The following ZNF675 variants were observed in gnomAD, a reference collection of about 807,000 sequenced individuals.
The protein encoded by ZNF675 is zinc finger protein 675.
A neutral mutation model predicts 56.1 loss-of-function variants in ZNF675; 36 were observed. The ratio of observed to expected loss-of-function variants is 0.64; its 90% CI spans 0.49 to 0.85. The LOEUF (loss-of-function observed/expected upper bound fraction) is 0.85. Among genes scored for constraint, ZNF675 ranks in the 40% least tolerant of loss-of-function variants. The pLI is 0.00. For synonymous variants in ZNF675, 200 were observed against 218.9 expected, an observed-to-expected ratio of 0.91 and a Z score of 0.76; for missense variants, 663 against 654.2, an observed-to-expected ratio of 1.01 and a Z score of -0.15.
In ZNF675 at chr19:23,653,743, T is replaced by C; in HGVS notation, c.1190A>G (p.Lys397Arg). 2 of 1,613,604 alleles carry C rather than the reference T, an allele frequency of 1.2e-6. No individual in the cohort carries two copies. Among genetic ancestry groups the C allele is most frequent in the Non-Finnish European group, 1.7e-6 (2 of 1,179,904 alleles). The change falls in exon 4 of 4, where the codon AAA (lysine) becomes AGA (arginine). Residue 397 changes from lysine to arginine, a missense_variant. Around this residue, in one of 3 missense-constraint regions of ZNF675, gnomAD observed 617 missense variants for 590.5 expected, o/e 1.04. Transcript: ENST00000359788. Reference sequence around the variant, plus strand: ...AAAAGCTTTGCCACATTCTTTACATTTGTAGGGTTTCTCTTCGGTATGAAT... The same window carrying C: ...AAAAGCTTTGCCACATTCTTTACATCTGTAGGGTTTCTCTTCGGTATGAAT... ...RKIHTEEKPY[K>R]CKECGKAFKH...
rs760354632 is a variant in ZNF675, at chr19:23,654,006, C to G, written c.927G>C (p.Glu309Asp). Residue 309 changes from glutamate (E) to aspartate (D), a missense_variant, in exon 4 of 4, where the codon GAG becomes GAC. Glu to Asp is a conservative substitution (Grantham distance 45). Around this residue, in one of 3 missense-constraint regions of ZNF675, gnomAD observed 617 missense variants for 590.5 expected, o/e 1.04. Coordinates refer to ENST00000359788, the MANE Select transcript of ZNF675 (RefSeq NM_138330.3). ...CACATTCTTCACATATGTAGGGTTG[C>G]TCTCCAGTATGAATTTTTTTATGTG... is the stretch of plus-strand genomic sequence containing the variant. ...LTTHKKIHTG[E>D]QPYICEECGK... 1.2e-6 allele frequency: 2 copies of G among 1,613,708 alleles called. No homozygotes were observed. Among genetic ancestry groups the G allele is most frequent in the Admixed American group, 3.3e-5 (2 of 59,988 alleles).
intron 1 of ZNF675, among the ~76,000 whole-genome samples, chr19:23,668,567 G>A (rs751776279): frequency 1.3e-5 from 2 of 152,252 alleles, no homozygotes; most frequent in South Asian, 2.1e-4. Context: ...ACTGGGCGCC[G>A]TGGAGCAGGG....
At chr19:23,668,751 T>A (rs1409709426) in intron 1 of ZNF675, among the ~76,000 whole-genome samples, 1 of 152,144 alleles carries the variant, frequency 6.6e-6, no homozygotes, top group African/African-American at 2.4e-5. Context: ...CAGTACACCC[T>A]CCGCAGCCGC....
intron 1 of ZNF675, among the ~76,000 whole-genome samples, chr19:23,680,037 G>A (rs113526097): frequency 0.034 from 5,007 of 149,040 alleles, 169 homozygotes; most frequent in South Asian, 0.14. Flanking sequence ...GGCCAGACGC[G>A]GTGGCTCACG....
Position 23,676,792 on chromosome 19 carries a change from C to T in ZNF675, c.3+10239G>A, listed in dbSNP as rs375840516. On this transcript the variant is annotated intron_variant, in intron 1 of 3. Transcript: ENST00000359788. ...TTTTTTCTTGAAAACTGGCACAAGA[C>T]GGCCGGGCGCGGTGGCTCACGCCTG... Among the ~76,000 whole-genome samples the T allele has an allele frequency of 8.7e-4, 132 of 151,624 alleles. 3 individuals carry two copies. Among genetic ancestry groups the T allele is most frequent in the African/African-American group, 3.0e-3 (123 of 41,084 alleles).
chr19:23,663,672 G>A (rs1053049611), intron 1 of ZNF675, among the ~76,000 whole-genome samples: 1 of 152,166 alleles, frequency 6.6e-6, no homozygotes, highest in Non-Finnish European at 1.5e-5. Context: ...AGCTGAGATC[G>A]TACCATTGCA....
At chr19:23,669,628 C>CT (rs1313376844) in intron 1 of ZNF675, among the ~76,000 whole-genome samples, 1 of 152,104 alleles carries the variant, frequency 6.6e-6, no homozygotes, top group Non-Finnish European at 1.5e-5. Flanking sequence ...AATCCCAGCA[C>CT]TTTGAGATGC....
In ZNF675 at chr19:23,654,244, C is replaced by T. The variant is rs780857344; in HGVS notation, c.689G>A (p.Cys230Tyr). 5 of 1,613,802 alleles carry T rather than the reference C, an allele frequency of 3.1e-6. No individual in the cohort carries two copies. In the African/African-American group the frequency reaches 4.0e-5, roughly 13 times the overall value. The change falls in exon 4 of 4, where the codon TGT becomes TAT. Residue 230 changes from cysteine to tyrosine, a missense_variant. Physicochemically the swap from Cys to Tyr is radical, Grantham distance 194. Around this residue, in one of 3 missense-constraint regions of ZNF675, gnomAD observed 617 missense variants for 590.5 expected, o/e 1.04. Transcript: ENST00000359788. Reference sequence around the variant, plus strand: ...GTTAAAAGTTCTGTCACATTCTTGACATTTGTAGAGTTTCTCACAAGTATA... The same window carrying T: ...GTTAAAAGTTCTGTCACATTCTTGATATTTGTAGAGTTTCTCACAAGTATA... ...RIYTCEKLYK[C>Y]QECDRTFNQF...
intron 1 of ZNF675, among the ~76,000 whole-genome samples, chr19:23,665,129 G>A (rs1968132739): frequency 6.6e-6 from 1 of 151,854 alleles, no homozygotes; most frequent in South Asian, 2.1e-4. Context: ...GGGATCACTT[G>A]AGGTCAGGAG....
rs1402300812 is a variant in ZNF675, at chr19:23,656,399, C to T, written c.227-1693G>A. 7 of 152,214 alleles carry T rather than the reference C, an allele frequency of 4.6e-5. No homozygotes were observed. In the East Asian group the frequency reaches 1.4e-3, roughly 29 times the overall value. The allele number at this position is 152,214 out of a possible 1,614,324, so 9.4% of individuals were successfully genotyped here. ...ATTACCTGAGGTCAGGAGTTTGGGA[C>T]CAGCCTGGCCAACATGGTGAAACCC... On this transcript the variant is annotated intron_variant, in intron 3 of 3. Coordinates refer to ENST00000359788, the MANE Select transcript of ZNF675 (RefSeq NM_138330.3).
At chr19:23,675,774 T>A (rs1968286821) in intron 1 of ZNF675, among the ~76,000 whole-genome samples, 1 of 151,476 alleles carries the variant, frequency 6.6e-6, no homozygotes, top group Non-Finnish European at 1.5e-5. Context: ...TAACCTGACA[T>A]CCTAAATAAA....
Position 23,653,406 on chromosome 19 carries a change from T to A in ZNF675, c.1527A>T (p.Lys509Asn). Residue 509 changes from lysine to asparagine, a missense_variant, in exon 4 of 4, where the codon AAA (lysine) becomes AAT (asparagine). Lys to Asn is a moderately conservative substitution (Grantham distance 94). This residue lies in a region of ZNF675 where 617 missense variants were observed against 590.5 expected (regional missense o/e 1.04). Coordinates refer to ENST00000359788, the MANE Select transcript of ZNF675 (RefSeq NM_138330.3). ...KRIHTGEKPY[K>N]CEECGKAFSR... ...TAAAAGCTTTGCCACATTCTTCACA[T>A]TTGTAGGGTTTCTCCCCAGTATGAA... 6.2e-7 allele frequency: 1 copy of A among 1,613,090 alleles called. No homozygotes were observed. Among genetic ancestry groups the A allele is most frequent in the Non-Finnish European group, 8.5e-7 (1 of 1,179,716 alleles).
In ZNF675 at chr19:23,653,260, T is replaced by C; in HGVS notation, c.1673A>G (p.His558Arg). 2.5e-6 allele frequency: 4 copies of C among 1,609,844 alleles called. No homozygotes were observed. Among genetic ancestry groups the C allele is most frequent in the Non-Finnish European group, 3.4e-6 (4 of 1,178,246 alleles). ...SANLTKHKKI[H>R]TGEKLQNWNV ...CCAGTTCTGTAGTTTCTCTCCAGTATGTATTTTTTTATGTTTAGTAAGGTT... is the reference window on the plus strand; with the variant it reads ...CCAGTTCTGTAGTTTCTCTCCAGTACGTATTTTTTTATGTTTAGTAAGGTT... Residue 558 changes from histidine to arginine, a missense_variant, in exon 4 of 4, where the codon CAT becomes CGT. This residue lies in a region of ZNF675 where 617 missense variants were observed against 590.5 expected (regional missense o/e 1.04). Coordinates refer to ENST00000359788, the MANE Select transcript of ZNF675 (RefSeq NM_138330.3).
At chr19:23,658,964 G>GATATAGATCTATAGATATAGATCT (rs1282498511) in intron 3 of ZNF675, among the ~76,000 whole-genome samples, 1 of 8,772 alleles carries the variant, frequency 1.1e-4, no homozygotes, top group African/African-American at 1.3e-4. Context: ...GAGATCTATA[G>GATATAGATCTATAGATATAGATCT]ATAGATATAG....
chr19:23,656,528 C>A (rs1184815322), intron 3 of ZNF675: 4 of 151,554 alleles, frequency 2.6e-5, no homozygotes, highest in Non-Finnish European at 4.4e-5. Context: ...ACCCAGGATG[C>A]AGAGGTTGCA....
chr19:23,676,246 G>A (rs1250547134), intron 1 of ZNF675, among the ~76,000 whole-genome samples: 2 of 151,530 alleles, frequency 1.3e-5, no homozygotes, highest in South Asian at 2.1e-4. Flanking sequence ...AGGACCAGAC[G>A]GACTTACAGC....
chr19:23,656,309 T>TA (rs1967982508), intron 3 of ZNF675: 1 of 152,088 alleles, frequency 6.6e-6, no homozygotes, highest in South Asian at 2.1e-4. Flanking sequence ...ATAATCTCTA[T>TA]AAAAAATGCA....
intron 1 of ZNF675, among the ~76,000 whole-genome samples, chr19:23,676,531 G>A (rs1968296680): frequency 6.6e-6 from 1 of 151,724 alleles, no homozygotes; most frequent in South Asian, 2.1e-4. Context: ...TTTATCCCTG[G>A]AACACAAGGT....
intron 1 of ZNF675, among the ~76,000 whole-genome samples, chr19:23,681,301 CTGGGAGGGGTG>C (rs1005179392): frequency 2.6e-5 from 4 of 151,730 alleles, no homozygotes; most frequent in African/African-American, 7.3e-5. Flanking sequence ...GTACCTAGTC[CTGGGAGGGGTG>C]TGGGCACGTC....
Sources: allele counts gnomAD v4.1 joint callset (sites outside exome capture counted in the v4.1 genomes callset), GRCh38; gene constraint gnomAD v4.1.1; regional missense constraint gnomAD v4.1.1; transcripts MANE v1.5; gene names NCBI Gene and HGNC (gene_info 2026-07-23, HGNC 2026-07-21).